Variants in AHRR observed in about 807,000 individuals in gnomAD.
The protein encoded by AHRR is aryl hydrocarbon receptor repressor, also known as ahR repressor.
AHRR carries 28 observed loss-of-function variants against 44.0 expected under a neutral mutation model. That is an observed-to-expected ratio of 0.64 (90% CI 0.47 to 0.87). AHRR has a LOEUF of 0.87. Ranked by LOEUF, AHRR falls within the 40% of genes least tolerant of loss-of-function variation. The pLI is 0.00. For missense variants in AHRR, 990 were observed against 953.9 expected (o/e 1.04, Z -0.50); for synonymous variants, 434 against 407.0 (o/e 1.07, Z -0.80).
chr5:361,964 A>T (rs1010963946), intron 3 of AHRR, among the ~76,000 whole-genome samples: 10 of 152,158 alleles, frequency 6.6e-5, no homozygotes, highest in African/African-American at 2.4e-4. Context: ...TGAGGACATA[A>T]ATTTTGGAGG....
rs1017731606 is a variant in AHRR, at chr5:326,340, G to A, written c.-11+4521G>A. Among the ~76,000 whole-genome samples, 11 of 152,226 alleles carry A rather than the reference G, an allele frequency of 7.2e-5. No homozygotes were observed. The highest frequency in any genetic ancestry group is 2.9e-5 in the Non-Finnish European group (2 of 68,036). ...GGATATATCATGCAATGGGGTCAGT[G>A]TGTGTCCTTCTGTGTCCAGCTTCTT... On this transcript the variant is annotated intron_variant, in intron 1 of 10. Coordinates refer to ENST00000684583, the MANE Select transcript of AHRR (RefSeq NM_001377236.1). This position sits in a 1 kb window ranked among gnomAD's most constrained non-coding sequence, Gnocchi z 4.1.
chr5:421,150 C>G lies in AHRR; in HGVS notation c.442-1579C>G, dbSNP rs147951080. 8.7e-6 allele frequency: 5 copies of G among 571,620 alleles called. No homozygotes were observed. The African/African-American group carries it at 1.0e-4, about 11-fold the overall frequency. 35.4% of individuals were successfully genotyped at this position (571,620 alleles called of 1,614,324 possible). ...CGCCTTAACTGGAAGAGGAGCCGCC[C>G]CGCCTGGGAGGCCGCTCTGGCGCCC... On this transcript the variant is annotated intron_variant, in intron 5 of 10. Transcript: ENST00000684583.
chr5:324,158 C>T (rs1334331392), intron 1 of AHRR, among the ~76,000 whole-genome samples: 2 of 151,674 alleles, frequency 1.3e-5, no homozygotes, highest in Non-Finnish European at 2.9e-5. Context: ...CTCCCAGGTT[C>T]AAGCAATTCT....
chr5:367,502 G>A (rs578056073), intron 3 of AHRR, among the ~76,000 whole-genome samples: 12 of 152,348 alleles, frequency 7.9e-5, no homozygotes, highest in East Asian at 1.9e-4. Flanking sequence ...AGTGGGCAGC[G>A]GTGGCCGTGG....
At chr5:377,993 G>T (rs1249413883) in intron 4 of AHRR, among the ~76,000 whole-genome samples, 4 of 152,206 alleles carry the variant, frequency 2.6e-5, no homozygotes, top group Non-Finnish European at 5.9e-5. Context: ...TTCTGGGGGA[G>T]GTTGAGCAGT....
intron 4 of AHRR, among the ~76,000 whole-genome samples, chr5:391,331 AGGGCGAGGCGGG>A (rs1560904120): frequency 1.5e-5 from 2 of 130,568 alleles, no homozygotes; most frequent in Non-Finnish European, 3.4e-5. Flanking sequence ...GCACGGGCGC[AGGGCGAGGCGGG>A]CGCAGGGCGA....
intron 7 of AHRR, chr5:427,585 G>A: frequency 1.2e-5 from 20 of 1,603,956 alleles, no homozygotes; most frequent in Non-Finnish European, 1.7e-5. Context: ...CAGAGAAACT[G>A]GGAGTGGGGG....
At chr5:430,441 G>A (rs534204307) in intron 8 of AHRR, among the ~76,000 whole-genome samples, 1 of 152,366 alleles carries the variant, frequency 6.6e-6, no homozygotes, top group African/African-American at 2.4e-5. Context: ...GGATACGGCC[G>A]AGGGCCCTTT....
At position 370,246 on chromosome 5, in the gene AHRR, G is replaced by A. The variant is rs1025397215; in HGVS notation, c.245-6364G>A. Among the ~76,000 whole-genome samples, 10 of 151,424 alleles carry A rather than the reference G, an allele frequency of 6.6e-5. No individual in the cohort carries two copies. The highest frequency in any genetic ancestry group is 5.9e-4 in the Admixed American group (9 of 15,204). On this transcript the variant is annotated intron_variant, in intron 3 of 10. Transcript: ENST00000684583. The surrounding 1 kb of genome is among the most constrained non-coding windows in gnomAD (Gnocchi z 4.5). The stretch of plus-strand genomic sequence containing the variant: ...GGAAGCCCCGTCCTCCCGGGCCCTC[G>A]CTGGTGCCCCGACCTCCTGGGCCCT...
Position 403,885 on chromosome 5 carries a change from TGTG to T in AHRR, c.352-9457_352-9455del, listed in dbSNP as rs1735141059. ...TAAAGCTTTTCCTCCTTGAACAGCT[TGTG>T]GCCTAGATGAGAATGTAGCTATTCC... On this transcript the variant is annotated intron_variant, in intron 4 of 10. Coordinates refer to ENST00000684583, the MANE Select transcript of AHRR (RefSeq NM_001377236.1). 4.4e-6 allele frequency: 7 copies of T among 1,589,098 alleles called. No individual in the cohort carries two copies. In the South Asian group the frequency reaches 7.7e-5, roughly 18 times the overall value.
At chr5:407,163 A>T (rs962634186) in intron 4 of AHRR, among the ~76,000 whole-genome samples, 2 of 152,100 alleles carry the variant, frequency 1.3e-5, no homozygotes, top group African/African-American at 2.4e-5. Flanking sequence ...CTATCATTGC[A>T]TATTTATTTT....
At chr5:348,141 C>T (rs1742742149) in intron 2 of AHRR, among the ~76,000 whole-genome samples, 1 of 152,224 alleles carries the variant, frequency 6.6e-6, no homozygotes, top group African/African-American at 2.4e-5. Flanking sequence ...GTGCCCTTGA[C>T]TCCCACCCAG....
At chr5:389,262 G>A (rs1579652893) in intron 4 of AHRR, among the ~76,000 whole-genome samples, 1 of 152,156 alleles carries the variant, frequency 6.6e-6, no homozygotes, top group East Asian at 1.9e-4. Flanking sequence ...AGATGCGGCT[G>A]AAGGAACAAA....
chr5:322,759 T>TGCG (rs1422558669), intron 1 of AHRR: 4 of 152,192 alleles, frequency 2.6e-5, no homozygotes, highest in Non-Finnish European at 4.4e-5. Flanking sequence ...CGGGGCTCGA[T>TGCG]GCGGCCCCAG....
rs1275138774 is a variant in AHRR at position 370,229 on chromosome 5, C to T, written c.245-6381C>T. On this transcript the variant is annotated intron_variant, in intron 3 of 10. Coordinates refer to ENST00000684583, the MANE Select transcript of AHRR (RefSeq NM_001377236.1). This position sits in a 1 kb window ranked among gnomAD's most constrained non-coding sequence, Gnocchi z 4.5. The stretch of plus-strand genomic sequence containing the variant: ...CCTCCCGGGCCCTCGCTGGAAGCCC[C>T]GTCCTCCCGGGCCCTCGCTGGTGCC... 5.0e-5 allele frequency among the ~76,000 whole-genome samples: 7 copies of T among 139,436 alleles called. No homozygotes were observed. The highest frequency in any genetic ancestry group is 2.7e-5 in the African/African-American group (1 of 37,492). 91.5% of individuals were successfully genotyped at this position (139,436 alleles called of 152,430 possible).
chr5:329,228 G>A (rs368976528), intron 1 of AHRR, among the ~76,000 whole-genome samples: 4 of 151,870 alleles, frequency 2.6e-5, no homozygotes, highest in African/African-American at 9.7e-5. Context: ...TTCGAGATGG[G>A]ATCTTGCTTT....
At chr5:421,046 C>T in intron 5 of AHRR, 2 of 517,616 alleles carry the variant, frequency 3.9e-6, no homozygotes, top group Non-Finnish European at 3.4e-6. Flanking sequence ...AGAAACGTGG[C>T]CTATCCACCG....
chr5:349,845 A>G (rs1462021807), intron 2 of AHRR, among the ~76,000 whole-genome samples: 1 of 152,218 alleles, frequency 6.6e-6, no homozygotes, highest in Admixed American at 6.5e-5. Flanking sequence ...CGGTTGATCC[A>G]ACACAATTTA....
chr5:400,900 C>T (rs1734988162), intron 4 of AHRR, among the ~76,000 whole-genome samples: 1 of 152,298 alleles, frequency 6.6e-6, no homozygotes, highest in African/African-American at 2.4e-5. Flanking sequence ...ATGTGGCAAC[C>T]GCTGAATTGG....
Sources: allele counts gnomAD v4.1 joint callset (sites outside exome capture counted in the v4.1 genomes callset), GRCh38; gene constraint gnomAD v4.1.1; non-coding constraint Gnocchi (gnomAD v3.1); transcripts MANE v1.5; gene names NCBI Gene and HGNC (gene_info 2026-07-23, HGNC 2026-07-21).